Variants in DAB1 observed in about 807,000 individuals in gnomAD.
DAB1 encodes DAB adaptor protein 1.
In DAB1, 15 loss-of-function variants were observed where a neutral mutation model predicts 64.6. That is an observed-to-expected ratio of 0.23 (90% CI 0.16 to 0.36). The LOEUF (loss-of-function observed/expected upper bound fraction) is 0.36. Ranked by LOEUF, DAB1 falls within the 10% of genes least tolerant of loss-of-function variation. The pLI, the probability that DAB1 is intolerant of heterozygous loss-of-function variation, is 1.00. For missense variants in DAB1, 596 were observed against 706.7 expected, an observed-to-expected ratio of 0.84 and a Z score of 1.78; for synonymous variants, 235 against 251.9, an observed-to-expected ratio of 0.93 and a Z score of 0.64.
chr1:57,193,379 ATGTT>A (rs1158119361), intron 2 of DAB1, among the ~76,000 whole-genome samples: 12 of 71,590 alleles, frequency 1.7e-4, no homozygotes, highest in African/African-American at 6.6e-4. Flanking sequence ...TCCGTAGCAT[ATGTT>A]TTTTTTTTTT....
At chr1:57,263,928 C>T (rs990813395) in intron 2 of DAB1, among the ~76,000 whole-genome samples, 1 of 152,156 alleles carries the variant, frequency 6.6e-6, no homozygotes, top group Non-Finnish European at 1.5e-5. Flanking sequence ...AACCCACATT[C>T]TACCCTGTAC....
At chr1:57,553,442 G>GCAAGAAAGAAAGAAAGAA (rs1553193771) in intron 7 of DAB1, among the ~76,000 whole-genome samples, 1 of 68,154 alleles carries the variant, frequency 1.5e-5, no homozygotes, top group African/African-American at 6.3e-5. Flanking sequence ...AAGAAAGAAA[G>GCAAGAAAGAAAGAAAGAA]AGAAAGAAAG....
intron 5 of DAB1, among the ~76,000 whole-genome samples, chr1:58,074,911 G>A (rs775773588): frequency 2.0e-5 from 3 of 152,018 alleles, no homozygotes; most frequent in Non-Finnish European, 4.4e-5. Context: ...TCTGTCCCCC[G>A]GGAGCAGGGA....
At chr1:58,212,027 C>G (rs1658577232) in intron 4 of DAB1, among the ~76,000 whole-genome samples, 2 of 152,176 alleles carry the variant, frequency 1.3e-5, no homozygotes, top group South Asian at 4.1e-4. Context: ...CCCTCCCTTC[C>G]TGCTGGGTTA....
chr1:58,356,785 C>T (rs1292960473), intron 3 of DAB1, among the ~76,000 whole-genome samples: 2 of 151,906 alleles, frequency 1.3e-5, no homozygotes, highest in East Asian at 3.9e-4. Flanking sequence ...ATTTGGGAGG[C>T]CAAGGTGGAA....
At chr1:57,089,549 A>G (rs553866265) in intron 4 of DAB1, among the ~76,000 whole-genome samples, 2 of 151,680 alleles carry the variant, frequency 1.3e-5, no homozygotes, top group African/African-American at 2.4e-5. Context: ...TGGCCAGAGC[A>G]GGGGCATGAG....
intron 5 of DAB1, among the ~76,000 whole-genome samples, chr1:58,084,133 C>T (rs1650163355): frequency 6.6e-6 from 1 of 152,056 alleles, no homozygotes; most frequent in Non-Finnish European, 1.5e-5. Context: ...TTTTTAAAAT[C>T]TTGAGCTTTT....
chr1:58,441,763 A>G (rs991257049), intron 3 of DAB1, among the ~76,000 whole-genome samples: 1 of 152,202 alleles, frequency 6.6e-6, no homozygotes, highest in Non-Finnish European at 1.5e-5. Context: ...TTAGACGGCC[A>G]GCTTCTGATT....
At chr1:57,054,797 A>G (rs1186339461) in intron 9 of DAB1, among the ~76,000 whole-genome samples, 1 of 152,134 alleles carries the variant, frequency 6.6e-6, no homozygotes, top group African/African-American at 2.4e-5. Context: ...CATTTTTAAC[A>G]GTCACAAAAA....
At chr1:58,033,022 C>T (rs1287429026) in intron 5 of DAB1, among the ~76,000 whole-genome samples, 5 of 152,292 alleles carry the variant, frequency 3.3e-5, no homozygotes, top group South Asian at 2.1e-4. Context: ...CTGGAATGGG[C>T]GTGCCTGGTG....
chr1:57,132,440 C>T (rs780871057), intron 4 of DAB1, among the ~76,000 whole-genome samples: 6 of 152,052 alleles, frequency 3.9e-5, no homozygotes, highest in Non-Finnish European at 7.3e-5. Context: ...CACAGGGCTG[C>T]ACATGGCATA....
At chr1:57,312,632 G>A (rs1474286627) in intron 1 of DAB1, among the ~76,000 whole-genome samples, 1 of 152,158 alleles carries the variant, frequency 6.6e-6, no homozygotes. Flanking sequence ...TTTAGTTGTT[G>A]TGATACCCGG....
At chr1:57,655,489 T>C (rs1383147441) in intron 6 of DAB1, among the ~76,000 whole-genome samples, 2 of 152,206 alleles carry the variant, frequency 1.3e-5, no homozygotes, top group Non-Finnish European at 2.9e-5. Flanking sequence ...TACATCATTA[T>C]ACTTCATAAA....
chr1:58,031,943 T>A (rs540745519), intron 5 of DAB1, among the ~76,000 whole-genome samples: 2 of 151,342 alleles, frequency 1.3e-5, no homozygotes, highest in African/African-American at 4.9e-5. Context: ...AAAAAAAAAA[T>A]CTTCCCTTTG....
chr1:57,655,518 C>T (rs1480333144), intron 6 of DAB1, among the ~76,000 whole-genome samples: 2 of 152,184 alleles, frequency 1.3e-5, no homozygotes, highest in Non-Finnish European at 2.9e-5. Flanking sequence ...GACAGTCTAA[C>T]TGTACCAAAC....
chr1:57,846,623 G>C (rs554049069), intron 1 of DAB1, among the ~76,000 whole-genome samples: 3 of 152,196 alleles, frequency 2.0e-5, no homozygotes, highest in Admixed American at 1.3e-4. Context: ...CTCTGAGGGA[G>C]ACACATTACT....
upstream of DAB1, among the ~76,000 whole-genome samples, chr1:57,886,549 CTTCATATCTCATTTAACAT>C (rs573506211): frequency 1.6e-4 from 25 of 152,282 alleles, no homozygotes; most frequent in Middle Eastern, 3.4e-3. Flanking sequence ...CCTTCGTATA[CTTCATATCTCATTTAACAT>C]TTCATATCTC....
chr1:57,989,656 G>C (rs1488134554), intron 5 of DAB1, among the ~76,000 whole-genome samples: 1 of 152,148 alleles, frequency 6.6e-6, no homozygotes, highest in African/African-American at 2.4e-5. Flanking sequence ...TGTCAAACTT[G>C]GGGCTGCTAA....
chr1:58,243,911 C>T (rs879851190), intron 4 of DAB1, among the ~76,000 whole-genome samples: 2 of 151,972 alleles, frequency 1.3e-5, no homozygotes, highest in Non-Finnish European at 2.9e-5. Context: ...AGACAATTAT[C>T]CTTCTGTGCA....
Sources: allele counts gnomAD v4.1 joint callset (sites outside exome capture counted in the v4.1 genomes callset), GRCh38; gene constraint gnomAD v4.1.1; transcripts MANE v1.5; gene names NCBI Gene and HGNC (gene_info 2026-07-23, HGNC 2026-07-21).